TYK2: variants seen among roughly 807,000 people sequenced by gnomAD.
TYK2 encodes the protein tyrosine kinase 2, also known as non-receptor tyrosine-protein kinase TYK2.
TYK2 carries 65 observed loss-of-function variants against 130.9 expected under a neutral mutation model. That is an observed-to-expected ratio of 0.50 (90% CI 0.41 to 0.61). The LOEUF (loss-of-function observed/expected upper bound fraction) is 0.61, where lower values mean the gene tolerates loss of function less well. TYK2 is among the 20% of genes least tolerant of loss of function. The pLI is 0.00. For missense variants in TYK2, 1,378 were observed against 1,610.7 expected, an observed-to-expected ratio of 0.86 and a Z score of 2.47; for synonymous variants, 647 against 658.9, an observed-to-expected ratio of 0.98 and a Z score of 0.28.
In TYK2 at chr19:10,352,450, C is replaced by G; in HGVS notation, c.3302G>C (p.Ser1101Thr). The G allele has an allele frequency of 6.2e-7, 1 of 1,610,312 alleles. No individual in the cohort carries two copies. The highest frequency in any genetic ancestry group is 8.5e-7 in the Non-Finnish European group (1 of 1,177,952). ...GGCTCTCACCGTGGGGGGGCTCTGG[C>G]TGGAGTCACAGTGCGTCAGCAGCTC... is the stretch of plus-strand genomic sequence containing the variant. ...LYELLTHCDS[S>T]QSPPTKFLEL... The change falls in exon 23 of 25, where the codon AGC becomes ACC. Residue 1101 changes from serine to threonine, a missense_variant. Ser to Thr is a moderately conservative substitution (Grantham distance 58, BLOSUM62 1). Coordinates refer to ENST00000525621, the MANE Select transcript of TYK2 (RefSeq NM_003331.5).
rs1186817979 is a variant in TYK2, at chr19:10,364,818, G to A, written c.1209+33C>T. 5 of 1,613,932 alleles carry A rather than the reference G, an allele frequency of 3.1e-6. No individual in the cohort carries two copies. The highest frequency in any genetic ancestry group is 4.2e-6 in the Non-Finnish European group (5 of 1,180,034). On this transcript the variant is annotated intron_variant, in intron 8 of 24. Coordinates refer to ENST00000525621, the MANE Select transcript of TYK2 (RefSeq NM_003331.5). The surrounding 1 kb of genome is among the most constrained non-coding windows in gnomAD (Gnocchi z 4.9). ...GGTGGGTGTCCTCCCAGGCCATGAT[G>A]GGCCCTAGCCCAGCCCCTACCCTGG...
chr19:10,378,283 G>C lies in TYK2; in HGVS notation c.124C>G (p.Pro42Ala), dbSNP rs147251502. ...GATGACTCACTGAAAGTGACCCAGG[G>C]CTCCCCGCCGCCTGGACCAGCCCAG... ...LHWAGPGGGE[P>A]WVTFSESSLT... Residue 42 changes from proline to alanine, a missense_variant, in exon 3 of 25, where the codon CCC (proline) becomes GCC (alanine). By Grantham distance (27) the Pro-to-Ala change is conservative. Coordinates refer to ENST00000525621, the MANE Select transcript of TYK2 (RefSeq NM_003331.5). The C allele has an allele frequency of 2.4e-5, 38 of 1,612,782 alleles. No individual in the cohort carries two copies. Among genetic ancestry groups the C allele is most frequent in the Non-Finnish European group, 3.1e-5 (36 of 1,179,992 alleles).
At chr19:10,374,312 G>A (rs959394542) in intron 3 of TYK2, among the ~76,000 whole-genome samples, 2 of 151,096 alleles carry the variant, frequency 1.3e-5, no homozygotes, top group East Asian at 2.0e-4. Flanking sequence ...GGCCAGGCTC[G>A]AGGGTGCACA....
intron 14 of TYK2, among the ~76,000 whole-genome samples, chr19:10,360,783 C>T (rs1034656330): frequency 6.6e-6 from 1 of 151,946 alleles, no homozygotes; most frequent in Non-Finnish European, 1.5e-5. Flanking sequence ...GACAGAGTCT[C>T]GCCCTGTCGC....
At chr19:10,372,478 ATATATATTTTTT>A (rs1457135507) in intron 3 of TYK2, among the ~76,000 whole-genome samples, 3 of 64,414 alleles carry the variant, frequency 4.7e-5, no homozygotes, top group Non-Finnish European at 8.1e-5. Context: ...ATATATATAT[ATATATATTTTTT>A]TTTTTTTTTT....
intron 3 of TYK2, among the ~76,000 whole-genome samples, chr19:10,375,917 T>A (rs539347912): frequency 6.6e-6 from 1 of 150,560 alleles, no homozygotes; most frequent in East Asian, 2.0e-4. Context: ...AGAGCGAGAC[T>A]CCATCTCAAA....
chr19:10,354,002 C>T lies in TYK2; in HGVS notation c.2908+40G>A, dbSNP rs199853121. 5 of 1,605,308 alleles carry T rather than the reference C, an allele frequency of 3.1e-6. No individual in the cohort carries two copies. In the East Asian group the frequency reaches 1.1e-4, roughly 36 times the overall value. ...CAAGGCCACACCCACGCTCTAACCA[C>T]GCCCCCTCAAGTCTCTAGGACTCGC... is the stretch of plus-strand genomic sequence containing the variant. On this transcript the variant is annotated intron_variant, in intron 20 of 24. Transcript: ENST00000525621.
intron 3 of TYK2, among the ~76,000 whole-genome samples, chr19:10,377,771 T>A (rs1331172886): frequency 1.6e-5 from 1 of 63,414 alleles, no homozygotes; most frequent in Non-Finnish European, 3.0e-5. Flanking sequence ...GGTGGGTGAG[T>A]AGGTGGATGG....
Position 10,364,994 on chromosome 19 carries a change from CCTT to C in TYK2, c.1063_1065del (p.Lys355del), listed in dbSNP as rs767546376. 1.2e-6 allele frequency: 2 copies of C among 1,613,152 alleles called. No individual in the cohort carries two copies. Among genetic ancestry groups the C allele is most frequent in the Non-Finnish European group, 1.7e-6 (2 of 1,179,398 alleles). The stretch of plus-strand genomic sequence containing the variant: ...TGGCCGACTGCCTTGTGAGCCTTGG[CCTT>C]CTTCCCAAACAGGCTGGCTTGGGGG... On this transcript the variant is annotated inframe_deletion, in exon 8 of 25. Transcript: ENST00000525621. This position sits in a 1 kb window ranked among gnomAD's most constrained non-coding sequence, Gnocchi z 4.9.
At position 10,357,915 on chromosome 19, in the gene TYK2, C is replaced by A; in HGVS notation, c.2315G>T (p.Arg772Leu). The change falls in exon 17 of 25, where the codon CGG becomes CTG. Residue 772 changes from arginine to leucine, a missense_variant. Physicochemically the swap from Arg to Leu is moderately radical, Grantham distance 102. Coordinates refer to ENST00000525621, the MANE Select transcript of TYK2 (RefSeq NM_003331.5). Reference protein sequence around the residue: ...VGLGALSREERVERIPWLAPE... With the variant: ...VGLGALSREELVERIPWLAPE... ...GGCCAGCCAGGGGATCCTCTCCACC[C>A]GCTCTGGGAGGCCAAGGTCAGAGGT... 6.2e-7 allele frequency: 1 copy of A among 1,613,544 alleles called. No homozygotes were observed. Among genetic ancestry groups the A allele is most frequent in the African/African-American group, 1.3e-5 (1 of 75,056 alleles).
intron 2 of TYK2, 127 bp downstream of exon 2, chr19:10,379,488 C>A (rs887498011): frequency 4.0e-5 from 6 of 149,808 alleles, no homozygotes; most frequent in African/African-American, 1.5e-4. Context: ...TGGTGAAACC[C>A]CATCTCTACT....
intron 18 of TYK2, among the ~76,000 whole-genome samples, chr19:10,356,360 C>A (rs2145173266): frequency 6.6e-6 from 1 of 152,298 alleles, no homozygotes; most frequent in African/African-American, 2.4e-5. Flanking sequence ...GGCTGGGTGA[C>A]AGAGCAAGAT....
At chr19:10,368,565 A>C in intron 3 of TYK2, 147 bp from the exon 4 acceptor site, 1 of 1,168,306 alleles carries the variant, frequency 8.6e-7, no homozygotes, top group Non-Finnish European at 1.2e-6. Context: ...CCCTGGGCAG[A>C]GGACAGTGCG....
rs766243440 is a variant in TYK2 at position 10,353,692 on chromosome 19, G to T, written c.2909-46C>A. 1.8e-5 allele frequency: 25 copies of T among 1,364,112 alleles called. No individual in the cohort carries two copies. Among genetic ancestry groups the T allele is most frequent in the Non-Finnish European group, 2.3e-5 (23 of 1,018,136 alleles). 84.5% of individuals were successfully genotyped at this position (1,364,112 alleles called of 1,614,324 possible). A position where few individuals can be genotyped will look rare whatever the true frequency, so the allele number is the denominator to read the frequency against. On this transcript the variant is annotated intron_variant, in intron 20 of 24. Coordinates refer to ENST00000525621, the MANE Select transcript of TYK2 (RefSeq NM_003331.5). The surrounding 1 kb of genome is among the most constrained non-coding windows in gnomAD (Gnocchi z 6.9). ...CCCGGTGGGGGACGATAGAGGGCGGGCCGGGGACCGCCTACCTTGAGCCCA... is the reference window on the plus strand; with the variant it reads ...CCCGGTGGGGGACGATAGAGGGCGGTCCGGGGACCGCCTACCTTGAGCCCA...
At chr19:10,372,273 G>A (rs1373498787) in intron 3 of TYK2, among the ~76,000 whole-genome samples, 7 of 148,158 alleles carry the variant, frequency 4.7e-5, no homozygotes, top group East Asian at 2.0e-4. Flanking sequence ...GATTACAGGC[G>A]TGAGCCACGG....
chr19:10,374,584 C>CAAAAAAA (rs1278364077), intron 3 of TYK2, among the ~76,000 whole-genome samples: 1 of 50,124 alleles, frequency 2.0e-5, no homozygotes, highest in Non-Finnish European at 3.8e-5. Flanking sequence ...GACTCCGTCT[C>CAAAAAAA]AAAAAAAAAA....
chr19:10,365,097 T>C, intron 7 of TYK2, 49 bp from the exon 8 acceptor site: 1 of 1,537,952 alleles, frequency 6.5e-7, no homozygotes, highest in Non-Finnish European at 8.8e-7. Context: ...AATGCCCGTT[T>C]ATACCTCCTG....
chr19:10,352,846 G>T (rs1568326174), intron 22 of TYK2, 80 bp downstream of exon 22: 1 of 1,486,364 alleles, frequency 6.7e-7, no homozygotes, highest in South Asian at 1.3e-5. Flanking sequence ...GCCCTATCAT[G>T]ATACCCAGCA....
At position 10,376,331 on chromosome 19, in the gene TYK2, G is replaced by A. The variant is rs112331445; in HGVS notation, c.193+1883C>T. Among the ~76,000 whole-genome samples the A allele has an allele frequency of 5.0e-3, 552 of 110,530 alleles. 4 individuals are homozygous for A. Among genetic ancestry groups the A allele is most frequent in the Middle Eastern group, 0.029 (4 of 138 alleles). 72.5% of individuals were successfully genotyped at this position (110,530 alleles called of 152,430 possible). ...CCTGGCCTTTTTTTATTTTTGAAACGGAGTCTAGCTCTGTCACCCAGCCTG... is the reference window on the plus strand; with the variant it reads ...CCTGGCCTTTTTTTATTTTTGAAACAGAGTCTAGCTCTGTCACCCAGCCTG... On this transcript the variant is annotated intron_variant, in intron 3 of 24. Transcript: ENST00000525621.
Sources: gnomAD v4.1 joint callset for allele counts (sites outside exome capture counted in the v4.1 genomes callset) on GRCh38, gnomAD v4.1.1 for gene constraint, Gnocchi (gnomAD v3.1) non-coding constraint, MANE v1.5 for transcripts, NCBI Gene and HGNC (gene_info 2026-07-23, HGNC 2026-07-21) for gene names.